XRRA1: variants seen among roughly 807,000 people sequenced by gnomAD.
The protein encoded by XRRA1 is X-ray radiation resistance associated 1.
A neutral mutation model predicts 80.2 loss-of-function variants in XRRA1; 69 were observed. The observed-to-expected ratio is 0.86, with a 90% confidence interval of 0.71 to 1.05. The LOEUF is 1.05. Among genes scored for constraint, XRRA1 ranks in the 50% least tolerant of loss-of-function variants. The probability of loss-of-function intolerance (pLI) is 0.00; values close to 1 mark genes in which losing one functional copy is unlikely to be tolerated. For missense variants in XRRA1, 967 were observed against 976.4 expected (o/e 0.99, Z 0.13); for synonymous variants, 348 against 389.9 (o/e 0.89, Z 1.27).
At chr11:74,873,642 A>C (rs1405428360) in intron 10 of XRRA1, among the ~76,000 whole-genome samples, 1 of 152,152 alleles carries the variant, frequency 6.6e-6, no homozygotes, top group Non-Finnish European at 1.5e-5. Flanking sequence ...TAGATGACAT[A>C]CTGTTTTGTG....
At chr11:74,852,811 G>C (rs1323687899) in intron 12 of XRRA1, among the ~76,000 whole-genome samples, 1 of 152,190 alleles carries the variant, frequency 6.6e-6, no homozygotes, top group Non-Finnish European at 1.5e-5. Context: ...TGCAATGGAA[G>C]AGTATCAGGG....
chr11:74,895,790 T>C (rs2052147156), intron 10 of XRRA1, among the ~76,000 whole-genome samples: 1 of 152,154 alleles, frequency 6.6e-6, no homozygotes, highest in South Asian at 2.1e-4. Context: ...CCCTAGTTCT[T>C]AAACATTTCT....
intron 10 of XRRA1, among the ~76,000 whole-genome samples, chr11:74,890,554 A>G (rs1565336769): frequency 1.3e-5 from 2 of 152,234 alleles, no homozygotes; most frequent in Non-Finnish European, 2.9e-5. Flanking sequence ...CTAAGATCAG[A>G]GCAGAACTGA....
At chr11:74,891,245 C>T (rs923040854) in intron 10 of XRRA1, among the ~76,000 whole-genome samples, 2 of 152,146 alleles carry the variant, frequency 1.3e-5, no homozygotes, top group African/African-American at 4.8e-5. Context: ...AAGGCTGGTT[C>T]AACATATGCA....
At chr11:74,863,172 G>A (rs1297682283) in intron 10 of XRRA1, 151 bp from the exon 11 acceptor site, 14 of 730,634 alleles carry the variant, frequency 1.9e-5, no homozygotes, top group Non-Finnish European at 7.4e-6. Context: ...TAACTAGGAA[G>A]AGGAGCTGGC....
intron 10 of XRRA1, among the ~76,000 whole-genome samples, chr11:74,903,664 T>C (rs752241610): frequency 1.3e-5 from 2 of 151,944 alleles, no homozygotes; most frequent in Middle Eastern, 3.2e-3. Context: ...GATCGCACCA[T>C]TGCACTCCAG....
At chr11:74,868,568 A>G (rs2136160775) in intron 10 of XRRA1, among the ~76,000 whole-genome samples, 1 of 152,324 alleles carries the variant, frequency 6.6e-6, no homozygotes, top group South Asian at 2.1e-4. Context: ...TAAAGAAGCA[A>G]GACCTGATGG....
chr11:74,925,181 C>T (rs947127095), intron 7 of XRRA1, among the ~76,000 whole-genome samples: 2 of 152,216 alleles, frequency 1.3e-5, no homozygotes, highest in African/African-American at 2.4e-5. Flanking sequence ...AGAGAGGGTA[C>T]GTTGTTTGGC....
intron 8 of XRRA1, among the ~76,000 whole-genome samples, chr11:74,914,354 A>G (rs1004490339): frequency 1.3e-5 from 2 of 152,234 alleles, no homozygotes; most frequent in African/African-American, 4.8e-5. Flanking sequence ...AGTATCCCAC[A>G]AGGCTGCTAG....
chr11:74,878,594 T>C (rs1358048333), intron 10 of XRRA1, among the ~76,000 whole-genome samples: 4 of 151,908 alleles, frequency 2.6e-5, no homozygotes, highest in South Asian at 2.1e-4. Flanking sequence ...TTTATGGTTT[T>C]AGGTCTAACG....
In XRRA1 at chr11:74,851,136, T is replaced by G. The variant is rs1387857433; in HGVS notation, c.1332A>C (p.Ile444=). The G allele has an allele frequency of 1.2e-6, 2 of 1,613,120 alleles. No homozygotes were observed. The highest frequency in any genetic ancestry group is 1.7e-6 in the Non-Finnish European group (2 of 1,179,424). ...TCAAAACATGATGCTTAGGCTTTACTATCTTCCTTCGAATTAAGTGGATTC... is the reference window on the plus strand; with the variant it reads ...TCAAAACATGATGCTTAGGCTTTACGATCTTCCTTCGAATTAAGTGGATTC... The part of the protein sequence containing the change: ...RLGIHLIRRK[I]VKPKHHVLMS... The change falls in exon 14 of 19, where the codon ATA becomes ATC. Residue 444 remains isoleucine, a synonymous_variant. Transcript: ENST00000684022.
At chr11:74,854,528 T>C (rs1296581795) in intron 12 of XRRA1, among the ~76,000 whole-genome samples, 1 of 152,240 alleles carries the variant, frequency 6.6e-6, no homozygotes. Flanking sequence ...TTTTTTCCAA[T>C]ACAATTTTAT....
chr11:74,897,225 T>G (rs1333065591), intron 10 of XRRA1, among the ~76,000 whole-genome samples: 1 of 151,832 alleles, frequency 6.6e-6, no homozygotes, highest in East Asian at 1.9e-4. Context: ...AAAATGTAAT[T>G]GATATACTAA....
intron 10 of XRRA1, among the ~76,000 whole-genome samples, chr11:74,875,334 G>A (rs1041585539): frequency 3.3e-5 from 5 of 152,116 alleles, no homozygotes; most frequent in African/African-American, 1.2e-4. Context: ...GAGAAATTAA[G>A]TCTCAGTACT....
chr11:74,921,441 T>C, intron 7 of XRRA1, 94 bp from the exon 8 acceptor site: 2 of 1,513,768 alleles, frequency 1.3e-6, no homozygotes, highest in Admixed American at 1.8e-5. Context: ...GAGTGCCCCA[T>C]CGCCCACAGG....
At position 74,867,568 on chromosome 11, in the gene XRRA1, G is replaced by C. The variant is rs555345341; in HGVS notation, c.1004-4547C>G. On this transcript the variant is annotated intron_variant, in intron 10 of 18. Coordinates refer to ENST00000684022, the MANE Select transcript of XRRA1 (RefSeq NM_001378157.1). ...ATGAGCAAAACCTCTGAGAAATATG[G>C]GATTATGTAAAGAGACCAAAAATAT... 2.6e-5 allele frequency among the ~76,000 whole-genome samples: 4 copies of C among 152,200 alleles called. No homozygotes were observed. The South Asian group carries it at 8.3e-4, about 32-fold the overall frequency.
chr11:74,845,973 T>C (rs2038018031), intron 15 of XRRA1: 1 of 152,348 alleles, frequency 6.6e-6, no homozygotes. Context: ...GGAGGACTGC[T>C]TGAGCTCGGG....
At chr11:74,882,848 TGAG>T (rs751255277) in intron 10 of XRRA1, among the ~76,000 whole-genome samples, 1 of 152,230 alleles carries the variant, frequency 6.6e-6, no homozygotes, top group Non-Finnish European at 1.5e-5. Context: ...GGGACCCACT[TGAG>T]GAGGCAGTCT....
At chr11:74,922,774 T>G (rs1473967047) in intron 7 of XRRA1, among the ~76,000 whole-genome samples, 1 of 152,214 alleles carries the variant, frequency 6.6e-6, no homozygotes, top group Admixed American at 6.5e-5. Flanking sequence ...TGACTAACCA[T>G]GTGATATTAG....
Sources: gnomAD v4.1 joint callset for allele counts (sites outside exome capture counted in the v4.1 genomes callset) on GRCh38, gnomAD v4.1.1 for gene constraint, MANE v1.5 for transcripts, NCBI Gene and HGNC (gene_info 2026-07-23, HGNC 2026-07-21) for gene names.